The following TLCD3B variants were observed in gnomAD, a reference collection of about 807,000 sequenced individuals.
TLCD3B encodes the protein ceramide synthase.
In TLCD3B, 9 loss-of-function variants were observed where a neutral mutation model predicts 23.0. The ratio of observed to expected loss-of-function variants is 0.39; its 90% CI spans 0.24 to 0.68. TLCD3B has a LOEUF of 0.68. TLCD3B is among the 30% of genes least tolerant of loss of function. TLCD3B has a pLI of 0.44. For missense variants in TLCD3B, 307 were observed against 371.8 expected (o/e 0.83, Z 1.43); for synonymous variants, 161 against 161.0 (o/e 1.00, Z 0.00).
At chr16:30,049,978 A>G (rs967563975) in intron 1 of TLCD3B, among the ~76,000 whole-genome samples, 1 of 151,374 alleles carries the variant, frequency 6.6e-6, no homozygotes, top group African/African-American at 2.4e-5. Flanking sequence ...AGTGGGGTGC[A>G]TACATCATCC....
upstream of TLCD3B, among the ~76,000 whole-genome samples, chr16:30,031,924 G>A (rs895194728): frequency 1.3e-4 from 20 of 152,328 alleles, no homozygotes; most frequent in Middle Eastern, 3.4e-3. Context: ...ACGGTGGCGA[G>A]AGCGCGGGGC....
chr16:30,029,518 G>C lies in TLCD3B; in HGVS notation c.126-3C>G. On this transcript the variant is annotated splice_region_variant and splice_polypyrimidine_tract_variant and intron_variant, in intron 1 of 4. Transcript: ENST00000380495. The surrounding 1 kb of genome is among the most constrained non-coding windows in gnomAD (Gnocchi z 4.6). ...TGGCCTGGACAGAGGACACCAGCCT[G>C]GGGGAGAGAGGGAGGCGTGCTAGAA... 1.2e-6 allele frequency: 2 copies of C among 1,612,540 alleles called. No individual in the cohort carries two copies. Among genetic ancestry groups the C allele is most frequent in the Non-Finnish European group, 1.7e-6 (2 of 1,178,874 alleles).
rs1346873822 is a variant in TLCD3B at position 30,045,424 on chromosome 16, AGT to A, written c.-229+897_-229+898del. 8.1e-5 allele frequency among the ~76,000 whole-genome samples: 6 copies of A among 74,266 alleles called. No individual in the cohort carries two copies. The East Asian group carries it at 2.2e-3, about 27-fold the overall frequency. 48.7% of individuals were successfully genotyped at this position (74,266 alleles called of 152,430 possible). The stretch of plus-strand genomic sequence containing the variant: ...TGTGTGGTGTGTGGTGTGTTTGTGT[AGT>A]GTGTGTGGTGTGTGTGTGGTGCATG... On this transcript the variant is annotated intron_variant, in intron 2 of 6. Transcript: ENST00000561666.
chr16:30,039,989 C>G, intron 3 of TLCD3B, among the ~76,000 whole-genome samples: 1 of 151,496 alleles, frequency 6.6e-6, no homozygotes, highest in East Asian at 2.0e-4. Context: ...CAAAAATTAG[C>G]CAGGTATGGT....
chr16:30,032,462 G>C (rs886518696), upstream of TLCD3B, among the ~76,000 whole-genome samples: 1 of 152,098 alleles, frequency 6.6e-6, no homozygotes, highest in Admixed American at 6.5e-5. Flanking sequence ...CGCTGATTTA[G>C]AGACGGTTGT....
At chr16:30,031,927 C>G (rs917725688), upstream of TLCD3B, among the ~76,000 whole-genome samples, 1 of 152,168 alleles carries the variant, frequency 6.6e-6, no homozygotes, top group Non-Finnish European at 1.5e-5. Context: ...GTGGCGAGAG[C>G]GCGGGGCAGC....
intron 3 of TLCD3B, among the ~76,000 whole-genome samples, chr16:30,039,478 A>G (rs2071539872): frequency 1.3e-5 from 2 of 151,878 alleles, no homozygotes; most frequent in African/African-American, 4.8e-5. Flanking sequence ...ACTGGAATGC[A>G]ATGGCATGAT....
chr16:30,037,223 T>G (rs1407452605), intron 3 of TLCD3B, among the ~76,000 whole-genome samples: 2 of 150,724 alleles, frequency 1.3e-5, no homozygotes, highest in Non-Finnish European at 3.0e-5. Flanking sequence ...TTGGGCAACA[T>G]AGTGGAACCC....
rs1414502193 is a variant in TLCD3B at position 30,029,518 on chromosome 16, G to T, written c.126-3C>A. On this transcript the variant is annotated splice_region_variant and splice_polypyrimidine_tract_variant and intron_variant, in intron 1 of 4. Transcript: ENST00000380495. The surrounding 1 kb of genome is among the most constrained non-coding windows in gnomAD (Gnocchi z 4.6). ...TGGCCTGGACAGAGGACACCAGCCT[G>T]GGGGAGAGAGGGAGGCGTGCTAGAA... The T allele has an allele frequency of 1.2e-6, 2 of 1,612,540 alleles. No homozygotes were observed. The highest frequency in any genetic ancestry group is 1.7e-5 in the Admixed American group (1 of 59,928).
chr16:30,042,368 C>T lies in TLCD3B; in HGVS notation c.-228-1212G>A, dbSNP rs376488182. Among the ~76,000 whole-genome samples, 22 of 152,002 alleles carry T rather than the reference C, an allele frequency of 1.4e-4. No homozygotes were observed. The South Asian group carries it at 2.5e-3, about 17-fold the overall frequency. ...ATTCTCCTGCCTCAGTCTCCCAAGG[C>T]GCCCACCACCACACCCAGCTAATTT... On this transcript the variant is annotated intron_variant, in intron 2 of 6. Transcript: ENST00000561666.
At chr16:30,051,010 G>A (rs549453154) in intron 1 of TLCD3B, among the ~76,000 whole-genome samples, 1 of 152,186 alleles carries the variant, frequency 6.6e-6, no homozygotes, top group Admixed American at 6.6e-5. Flanking sequence ...GAAACGGGGA[G>A]GTCTGAGTGC....
intron 1 of TLCD3B, among the ~76,000 whole-genome samples, chr16:30,051,430 G>A (rs1293969400): frequency 3.3e-5 from 5 of 150,998 alleles, no homozygotes; most frequent in Admixed American, 2.6e-4. Flanking sequence ...AGCTGAGGCA[G>A]GAGAATTGCT....
chr16:30,050,319 G>A (rs900731013), intron 1 of TLCD3B, among the ~76,000 whole-genome samples: 3 of 152,110 alleles, frequency 2.0e-5, no homozygotes, highest in Non-Finnish European at 4.4e-5. Context: ...CAGGAGGATC[G>A]CCTGAGCCCA....
upstream of TLCD3B, among the ~76,000 whole-genome samples, chr16:30,033,934 C>T (rs1282996965): frequency 1.3e-5 from 2 of 151,918 alleles, no homozygotes; most frequent in Non-Finnish European, 2.9e-5. Context: ...CCACTGAACT[C>T]CAGCCTGGGC....
rs2071077284 is a variant in TLCD3B, at chr16:30,025,447, C to T, written c.561G>A (p.Leu187=). The change falls in exon 5 of 5, where the codon CTG becomes CTA. Residue 187 remains leucine, a synonymous_variant. Coordinates refer to ENST00000380495, the MANE Select transcript of TLCD3B (RefSeq NM_031478.6). This position sits in a 1 kb window ranked among gnomAD's most constrained non-coding sequence, Gnocchi z 4.1. ...TCAGGGCCCCGTTCACCTTGTGCAGCAGTGTGTGCTGCTGCTTGTACTGAG... is the reference window on the plus strand; with the variant it reads ...TCAGGGCCCCGTTCACCTTGTGCAGTAGTGTGTGCTGCTGCTTGTACTGAG... The part of the protein sequence containing the change: ...ILIQYKQQHT[L]LHKVNGALML... The T allele has an allele frequency of 6.2e-7, 1 of 1,612,468 alleles. No homozygotes were observed. The highest frequency in any genetic ancestry group is 1.3e-5 in the African/African-American group (1 of 74,914).
chr16:30,044,710 C>T (rs2071630558), intron 2 of TLCD3B, among the ~76,000 whole-genome samples: 1 of 152,188 alleles, frequency 6.6e-6, no homozygotes, highest in Non-Finnish European at 1.5e-5. Context: ...AATGAAAACA[C>T]ATTTTATAAC....
upstream of TLCD3B, among the ~76,000 whole-genome samples, chr16:30,031,914 AC>A (rs1232320506): frequency 6.6e-6 from 1 of 152,160 alleles, no homozygotes; most frequent in African/African-American, 2.4e-5. Flanking sequence ...AGAAGGGGAA[AC>A]GGTGGCGAGA....
intron 1 of TLCD3B, among the ~76,000 whole-genome samples, chr16:30,048,282 C>CT (rs966558182): frequency 7.0e-4 from 103 of 147,976 alleles, no homozygotes; most frequent in African/African-American, 1.8e-3. Context: ...TCTAATTTTT[C>CT]TTTTTTTTTT....
intron 1 of TLCD3B, among the ~76,000 whole-genome samples, chr16:30,047,135 A>ATCTGTCTG (rs58041815): frequency 2.2e-4 from 33 of 150,606 alleles, no homozygotes; most frequent in Non-Finnish European, 2.7e-4. Context: ...CTGTTGTGTC[A>ATCTGTCTG]TCTGTCTGTC....
Sources: gnomAD v4.1 joint callset for allele counts (sites outside exome capture counted in the v4.1 genomes callset) on GRCh38, gnomAD v4.1.1 for gene constraint, Gnocchi (gnomAD v3.1) non-coding constraint, MANE v1.5 for transcripts, NCBI Gene and HGNC (gene_info 2026-07-23, HGNC 2026-07-21) for gene names.